CUX1: variants seen among roughly 807,000 people sequenced by gnomAD.
CUX1 encodes the protein cut like homeobox 1.
CUX1 carries 31 observed loss-of-function variants against 158.8 expected under a neutral mutation model. The ratio of observed to expected loss-of-function variants is 0.20; its 90% CI spans 0.15 to 0.26. CUX1 has a LOEUF of 0.26. CUX1 is among the 10% of genes least tolerant of loss of function. CUX1 has a pLI of 1.00. For missense variants in CUX1, 1,589 were observed against 2,014.6 expected, an observed-to-expected ratio of 0.79 and a Z score of 4.04; for synonymous variants, 879 against 862.1, an observed-to-expected ratio of 1.02 and a Z score of -0.34.
Position 102,248,186 on chromosome 7 carries a change from G to T in CUX1, c.3888-226G>T, listed in dbSNP as rs897422831. ...GCAATTTGTTGCAGTGGAGAATAGG[G>T]GAGTGGTGTCCCAGCCCTGGGATGG... On this transcript the variant is annotated intron_variant, in intron 23 of 23. Coordinates refer to ENST00000292535, the MANE Select transcript of CUX1 (RefSeq NM_181552.4). The surrounding 1 kb of genome is among the most constrained non-coding windows in gnomAD (Gnocchi z 5.8). Among the ~76,000 whole-genome samples the T allele has an allele frequency of 1.5e-4, 23 of 152,174 alleles. No individual in the cohort carries two copies. The highest frequency in any genetic ancestry group is 6.5e-5 in the Admixed American group (1 of 15,282).
intron 2 of CUX1, among the ~76,000 whole-genome samples, chr7:101,950,054 C>T (rs1232814971): frequency 6.6e-6 from 1 of 152,150 alleles, no homozygotes; most frequent in Non-Finnish European, 1.5e-5. Context: ...GTCGATCAGG[C>T]TGGAGTGCAA....
At chr7:102,108,770 G>GTGTGTGTGTGTGTT (rs1337904775) in intron 6 of CUX1, among the ~76,000 whole-genome samples, 1 of 143,712 alleles carries the variant, frequency 7.0e-6, no homozygotes, top group African/African-American at 2.5e-5. Context: ...GTGTGTGTGT[G>GTGTGTGTGTGTGTT]TTTTGAGACA....
Position 102,197,297 on chromosome 7 carries a change from G to A in CUX1, c.1886G>A (p.Arg629Lys). 1.2e-6 allele frequency: 2 copies of A among 1,611,110 alleles called. No individual in the cohort carries two copies. Among genetic ancestry groups the A allele is most frequent in the Non-Finnish European group, 1.7e-6 (2 of 1,177,506 alleles). ...CTGGCCCTCCGTAGCATCCAAGGCA[G>A]ACAAAGAGGTGAGAGACTGGCGTTG... ...NILALRSIQG[R>K]QRENPGQSLN... The change falls in exon 15 of 24, where the codon AGA becomes AAA. Residue 629 changes from arginine to lysine, a missense_variant. Transcript: ENST00000292535.
chr7:101,844,062 G>A (rs2131186652), intron 1 of CUX1, among the ~76,000 whole-genome samples: 1 of 152,220 alleles, frequency 6.6e-6, no homozygotes, highest in Non-Finnish European at 1.5e-5. Flanking sequence ...ACCAGCCCTG[G>A]CCAATCAGGG....
intron 5 of CUX1, among the ~76,000 whole-genome samples, chr7:102,104,100 G>C (rs1243530500): frequency 6.6e-6 from 1 of 151,756 alleles, no homozygotes; most frequent in African/African-American, 2.4e-5. Context: ...AGAAACCAAA[G>C]CTCTTCTTTT....
intron 5 of CUX1, among the ~76,000 whole-genome samples, chr7:102,097,713 C>T (rs34247954): frequency 0.6 from 91,654 of 151,674 alleles, 29,528 homozygotes; most frequent in African/African-American, 0.79. Flanking sequence ...ACAACAACGA[C>T]GTAAGATTTT....
At chr7:101,850,741 G>A (rs1796193429) in intron 1 of CUX1, among the ~76,000 whole-genome samples, 1 of 152,262 alleles carries the variant, frequency 6.6e-6, no homozygotes, top group South Asian at 2.1e-4. Context: ...AGTGTTAGGT[G>A]TTGACTTACT....
intron 5 of CUX1, among the ~76,000 whole-genome samples, chr7:102,101,621 A>C (rs1037143330): frequency 1.3e-5 from 2 of 152,184 alleles, no homozygotes; most frequent in Non-Finnish European, 2.9e-5. Flanking sequence ...CTTAAAGGCA[A>C]AAATGAGGCC....
intron 3 of CUX1, among the ~76,000 whole-genome samples, chr7:102,058,911 G>A (rs1330734496): frequency 6.6e-6 from 1 of 152,182 alleles, no homozygotes; most frequent in Admixed American, 6.5e-5. Flanking sequence ...ACATAGCCTA[G>A]CACATCTTAG....
Position 102,180,136 on chromosome 7 carries a change from GCCTCAGCCT to G in CUX1, c.1017+1483_1017+1491del, listed in dbSNP as rs561269901. ...CCTCCTGGATTCAAGCAATTCTCCT[GCCTCAGCCT>G]CCTGAGTAACTGAACTACAGTCACG... On this transcript the variant is annotated intron_variant, in intron 11 of 23. Transcript: ENST00000292535. Among the ~76,000 whole-genome samples, 583 of 152,100 alleles carry G rather than the reference GCCTCAGCCT, an allele frequency of 3.8e-3. 3 individuals carry two copies. The highest frequency in any genetic ancestry group is 5.4e-3 in the Non-Finnish European group (368 of 67,998).
At position 102,248,356 on chromosome 7, in the gene CUX1, G is replaced by T; in HGVS notation, c.3888-56G>T. On this transcript the variant is annotated intron_variant, in intron 23 of 23. Transcript: ENST00000292535. This position sits in a 1 kb window ranked among gnomAD's most constrained non-coding sequence, Gnocchi z 5.8. ...GAGGGGTCTGGCTGGGGTAGCACCA[G>T]AGGCCCTTTCCCCAGCAGCACCCCC... The T allele has an allele frequency of 6.8e-7, 1 of 1,474,216 alleles. No individual in the cohort carries two copies. Among genetic ancestry groups the T allele is most frequent in the South Asian group, 1.2e-5 (1 of 82,496 alleles). 91.3% of individuals were successfully genotyped at this position (1,474,216 alleles called of 1,614,324 possible). A position where few individuals can be genotyped will look rare whatever the true frequency, so the allele number is the denominator to read the frequency against.
chr7:102,255,139 CAG>C lies in CUX1; in HGVS notation c.*6098_*6099del, dbSNP rs1229400574. On this transcript the variant is annotated 3_prime_UTR_variant, in exon 24 of 24. Transcript: ENST00000292535. Reference sequence around the variant, plus strand: ...GGCCTGTGCTCCTCACCACCCTGGTCAGGGGAATAGAAGGAAATGCAATTTCC... The same window carrying C: ...GGCCTGTGCTCCTCACCACCCTGGTCGGGAATAGAAGGAAATGCAATTTCC... 1.0e-6 allele frequency: 1 copy of C among 985,298 alleles called. No individual in the cohort carries two copies. Among genetic ancestry groups the C allele is most frequent in the Non-Finnish European group, 1.2e-6 (1 of 829,944 alleles). 61.0% of individuals were successfully genotyped at this position (985,298 alleles called of 1,614,324 possible). A position where few individuals can be genotyped will look rare whatever the true frequency, so the allele number is the denominator to read the frequency against.
chr7:102,023,793 C>T (rs1383257051), intron 2 of CUX1, among the ~76,000 whole-genome samples: 2 of 152,118 alleles, frequency 1.3e-5, no homozygotes, highest in South Asian at 2.1e-4. Flanking sequence ...GTGTATGATA[C>T]GTGTGAGTAT....
At chr7:102,183,072 G>A (rs1793270699) in intron 11 of CUX1, among the ~76,000 whole-genome samples, 1 of 152,014 alleles carries the variant, frequency 6.6e-6, no homozygotes, top group Non-Finnish European at 1.5e-5. Flanking sequence ...TGTGTCCCTC[G>A]GGGCACTGAG....
rs182220288 is a variant in CUX1, at chr7:102,268,852, C to A, written c.1256-4514C>A. On this transcript the variant is annotated intron_variant, in intron 14 of 22. Transcript: ENST00000292538. Reference sequence around the variant, plus strand: ...GCTCCTTAAACAACCAGATCCCTATCTCAGAGACAGCACCGCGCCACAAGG... The same window carrying A: ...GCTCCTTAAACAACCAGATCCCTATATCAGAGACAGCACCGCGCCACAAGG... Among the ~76,000 whole-genome samples the A allele has an allele frequency of 4.6e-5, 7 of 152,092 alleles. No homozygotes were observed. In the East Asian group the frequency reaches 1.4e-3, roughly 29 times the overall value.
intron 2 of CUX1, among the ~76,000 whole-genome samples, chr7:101,979,136 C>T (rs1042348533): frequency 1.3e-5 from 2 of 152,168 alleles, no homozygotes; most frequent in Non-Finnish European, 2.9e-5. Flanking sequence ...GATGTAGGCT[C>T]TCGGGAACAT....
intron 14 of CUX1, among the ~76,000 whole-genome samples, chr7:102,269,669 C>T (rs1476162701): frequency 6.6e-6 from 1 of 151,772 alleles, no homozygotes; most frequent in Non-Finnish European, 1.5e-5. Flanking sequence ...GGTGATCTGC[C>T]CGCCTCGGCC....
At chr7:102,243,572 G>A (rs1800449339) in intron 23 of CUX1, among the ~76,000 whole-genome samples, 1 of 151,258 alleles carries the variant, frequency 6.6e-6, no homozygotes, top group Non-Finnish European at 1.5e-5. Flanking sequence ...GGCTGAAGCA[G>A]GAGGATGGTT....
chr7:101,817,126 G>T, upstream of CUX1: 1 of 984,510 alleles, frequency 1.0e-6, no homozygotes, highest in African/African-American at 1.7e-5. This position sits in a 1 kb window ranked among gnomAD's most constrained non-coding sequence, Gnocchi z 4.1. Context: ...CCGGACCGCC[G>T]GGTGCGGGCG....
Sources: gnomAD v4.1 joint callset for allele counts (sites outside exome capture counted in the v4.1 genomes callset) on GRCh38, gnomAD v4.1.1 for gene constraint, Gnocchi (gnomAD v3.1) non-coding constraint, MANE v1.5 for transcripts, NCBI Gene and HGNC (gene_info 2026-07-23, HGNC 2026-07-21) for gene names.